Variants in DAPP1 observed in about 807,000 individuals in gnomAD.
DAPP1 encodes dual adapter for phosphotyrosine and 3-phosphotyrosine and 3-phosphoinositide.
A neutral mutation model predicts 41.5 loss-of-function variants in DAPP1; 20 were observed. That is an observed-to-expected ratio of 0.48 (90% CI 0.34 to 0.70). DAPP1 has a LOEUF of 0.70. Among genes scored for constraint, DAPP1 ranks in the 30% least tolerant of loss-of-function variants. DAPP1 has a pLI of 0.01. For missense variants in DAPP1, 233 were observed against 333.4 expected, an observed-to-expected ratio of 0.70 and a Z score of 2.35; for synonymous variants, 113 against 116.2, an observed-to-expected ratio of 0.97 and a Z score of 0.18.
chr4:99,842,209 T>C (rs539391387), intron 3 of DAPP1, among the ~76,000 whole-genome samples: 4 of 152,354 alleles, frequency 2.6e-5, no homozygotes, highest in African/African-American at 9.6e-5. Flanking sequence ...AGCCTTATGA[T>C]TGATGCATTA....
At chr4:99,851,116 C>T (rs936651428) in intron 3 of DAPP1, among the ~76,000 whole-genome samples, 5 of 152,180 alleles carry the variant, frequency 3.3e-5, no homozygotes, top group Non-Finnish European at 7.3e-5. Flanking sequence ...GCACTGTGTT[C>T]ACAGAGCCCC....
In DAPP1 at chr4:99,833,131, C is replaced by T. The variant is rs116317019; in HGVS notation, c.102-2492C>T. The stretch of plus-strand genomic sequence containing the variant: ...TTTTATAACCTTGTGGAAATTTCAC[C>T]TATCAAAAAGAATTAGAATTTTGGC... On this transcript the variant is annotated intron_variant, in intron 1 of 8. Transcript: ENST00000512369. Among the ~76,000 whole-genome samples the T allele has an allele frequency of 1.7e-3, 262 of 152,286 alleles. 2 individuals carry two copies. Among genetic ancestry groups the T allele is most frequent in the African/African-American group, 5.9e-3 (244 of 41,546 alleles).
At chr4:99,863,719 T>TG in intron 6 of DAPP1, 51 bp from the exon 7 acceptor site, 1 of 233,748 alleles carries the variant, frequency 4.3e-6, no homozygotes, top group Non-Finnish European at 6.7e-6. Context: ...GATTTGTCTG[T>TG]TTTTTTTTTT....
intron 7 of DAPP1, 94 bp from the exon 8 acceptor site, chr4:99,865,940 T>TATAA (rs1328215238): frequency 1.2e-3 from 65 of 52,774 alleles, no homozygotes; most frequent in Admixed American, 2.0e-3. Flanking sequence ...ATATAATATA[T>TATAA]TATATTATAT....
chr4:99,866,065 T>A lies in DAPP1; in HGVS notation c.718T>A (p.Cys240Ser). ...LVFPFRTFYL[C>S]AKTGVEADEW... The stretch of plus-strand genomic sequence containing the variant: ...ATTTCCATTCAGGACATTTTATCTC[T>A]GTGCAAAGACCGGAGTAGAAGCTGA... The change falls in exon 8 of 9, where the codon TGT becomes AGT. Residue 240 changes from cysteine to serine, a missense_variant. Coordinates refer to ENST00000512369, the MANE Select transcript of DAPP1 (RefSeq NM_014395.3). 1.3e-6 allele frequency: 2 copies of A among 1,590,118 alleles called. No homozygotes were observed. Among genetic ancestry groups the A allele is most frequent in the Non-Finnish European group, 1.7e-6 (2 of 1,166,060 alleles).
chr4:99,852,564 G>T (rs887212577), intron 3 of DAPP1, among the ~76,000 whole-genome samples: 1 of 152,156 alleles, frequency 6.6e-6, no homozygotes, highest in African/African-American at 2.4e-5. Context: ...AGGGGAAGGA[G>T]GCAATCACTT....
chr4:99,828,374 T>C (rs146841468), intron 1 of DAPP1, among the ~76,000 whole-genome samples: 1 of 152,332 alleles, frequency 6.6e-6, no homozygotes, highest in East Asian at 1.9e-4. Flanking sequence ...TTTTTGTTTT[T>C]TGTGCGTCTT....
At chr4:99,871,484 GA>G (rs1236647624), downstream of DAPP1, among the ~76,000 whole-genome samples, 2 of 151,644 alleles carry the variant, frequency 1.3e-5, no homozygotes, top group Non-Finnish European at 2.9e-5. Context: ...GAAAAATCAA[GA>G]AAAAAATACA....
rs1722608489 is a variant in DAPP1 at position 99,816,981 on chromosome 4, C to T, written c.68C>T (p.Ser23Phe). ...TQDPSDLWSR[S>F]DGEAELLQDL... ...GATCCCTCAGATCTGTGGAGCAGAT[C>T]CGATGGAGAGGCTGAGCTGCTCCAG... Residue 23 changes from serine (S) to phenylalanine (F), a missense_variant, in exon 1 of 9, where the codon TCC becomes TTC. Physicochemically the swap from Ser to Phe is radical, Grantham distance 155. Transcript: ENST00000512369. 2.5e-6 allele frequency: 4 copies of T among 1,606,440 alleles called. No individual in the cohort carries two copies. The highest frequency in any genetic ancestry group is 3.4e-6 in the Non-Finnish European group (4 of 1,176,646).
At chr4:99,861,021 G>T (rs769177635) in intron 4 of DAPP1, among the ~76,000 whole-genome samples, 2 of 152,106 alleles carry the variant, frequency 1.3e-5, no homozygotes, top group Non-Finnish European at 2.9e-5. Flanking sequence ...ATAAATCTAC[G>T]CTCCTGACAG....
At chr4:99,848,230 ATTT>A (rs57214417) in intron 3 of DAPP1, among the ~76,000 whole-genome samples, 1 of 139,948 alleles carries the variant, frequency 7.1e-6, no homozygotes, top group Admixed American at 7.1e-5. Flanking sequence ...CAGGAGCAGA[ATTT>A]TTTTTTTTTT....
chr4:99,865,016 GAGTACCAAACAATGACAATGACAGAAACC>G (rs1246847005), intron 7 of DAPP1: 2 of 152,114 alleles, frequency 1.3e-5, no homozygotes, highest in African/African-American at 4.8e-5. Flanking sequence ...CTCCCATAGG[GAGTACCAAACAATGACAATGACAGAAACC>G]AGTTTTCGAG....
chr4:99,863,863 G>A lies in DAPP1; in HGVS notation c.686+8G>A. The stretch of plus-strand genomic sequence containing the variant: ...AAGGGTAAACTGTTTTTGGTAAGTT[G>A]TTTTATAAAGAAAACGTTTTTTAAT... On this transcript the variant is annotated splice_region_variant and intron_variant, in intron 7 of 8. Transcript: ENST00000512369. 6.4e-7 allele frequency: 1 copy of A among 1,553,300 alleles called. No homozygotes were observed. The highest frequency in any genetic ancestry group is 2.3e-5 in the East Asian group (1 of 43,670).
chr4:99,865,029 T>A (rs1322205542), intron 7 of DAPP1: 2 of 152,172 alleles, frequency 1.3e-5, no homozygotes, highest in Admixed American at 6.5e-5. Flanking sequence ...TACCAAACAA[T>A]GACAATGACA....
At chr4:99,831,946 T>G (rs1468637925) in intron 1 of DAPP1, among the ~76,000 whole-genome samples, 5 of 150,790 alleles carry the variant, frequency 3.3e-5, no homozygotes, top group African/African-American at 1.2e-4. Flanking sequence ...ATATGCTTTA[T>G]AATCAGAATA....
chr4:99,840,239 C>A (rs1723450116), intron 2 of DAPP1, 50 bp from the exon 3 acceptor site: 1 of 1,291,404 alleles, frequency 7.7e-7, no homozygotes, highest in Non-Finnish European at 1.1e-6. Context: ...TTCCCTTCAA[C>A]AAGATATTTA....
At chr4:99,822,272 G>A (rs1722798313) in intron 1 of DAPP1, among the ~76,000 whole-genome samples, 1 of 152,102 alleles carries the variant, frequency 6.6e-6, no homozygotes, top group Non-Finnish European at 1.5e-5. Flanking sequence ...CTTCTACTGG[G>A]TCATAGATCT....
At chr4:99,822,888 G>C (rs1270042633) in intron 1 of DAPP1, among the ~76,000 whole-genome samples, 1 of 152,154 alleles carries the variant, frequency 6.6e-6, no homozygotes, top group Non-Finnish European at 1.5e-5. Flanking sequence ...AGAGCACAGT[G>C]AACACTGCTG....
intron 8 of DAPP1, chr4:99,866,480 G>GTTA: frequency 1.3e-6 from 1 of 756,058 alleles, no homozygotes. Context: ...TAGTTGAAAA[G>GTTA]CCTTTTAAAT....
Sources: gnomAD v4.1 joint callset for allele counts (sites outside exome capture counted in the v4.1 genomes callset) on GRCh38, gnomAD v4.1.1 for gene constraint, MANE v1.5 for transcripts, NCBI Gene and HGNC (gene_info 2026-07-23, HGNC 2026-07-21) for gene names.